The following SAMTOR variants were observed in gnomAD, a reference collection of about 807,000 sequenced individuals.
SAMTOR encodes the protein UPF0532 protein C7orf60.
At chr7:112,902,462 C>CA in the SAMTOR span, among the ~76,000 whole-genome samples, 3 of 83,662 alleles carry the variant, frequency 3.6e-5, no homozygotes, top group Admixed American at 1.3e-4. Flanking sequence ...AAAAAAAAAC[C>CA]AAAAAAGTTG....
At chr7:112,871,712 T>C in the SAMTOR span, among the ~76,000 whole-genome samples, 19 of 149,698 alleles carry the variant, frequency 1.3e-4, 1 homozygote, top group African/African-American at 4.1e-4. Context: ...AAATGATCAA[T>C]GTTAATAGCA....
At chr7:112,833,340 A>G in the SAMTOR span, among the ~76,000 whole-genome samples, 10 of 152,162 alleles carry the variant, frequency 6.6e-5, no homozygotes, top group East Asian at 1.9e-4. Flanking sequence ...CTCGAATCAG[A>G]AAGGCTAAGA....
chr7:112,892,663 T>A, the SAMTOR span, among the ~76,000 whole-genome samples: 2 of 151,682 alleles, frequency 1.3e-5, no homozygotes, highest in Non-Finnish European at 2.9e-5. Context: ...TGCCAGCTAC[T>A]GGGGAGGCTG....
the SAMTOR span, among the ~76,000 whole-genome samples, chr7:112,934,678 G>C: frequency 6.6e-6 from 1 of 152,142 alleles, no homozygotes; most frequent in Non-Finnish European, 1.5e-5. Flanking sequence ...TGTGTACTCT[G>C]GGAGCTTTTA....
chr7:112,890,007 T>C, the SAMTOR span, among the ~76,000 whole-genome samples: 1 of 152,106 alleles, frequency 6.6e-6, no homozygotes, highest in Non-Finnish European at 1.5e-5. Flanking sequence ...CAGGCTGTAG[T>C]TGTGGTTGGG....
At chr7:112,870,371 G>A in the SAMTOR span, among the ~76,000 whole-genome samples, 5 of 152,082 alleles carry the variant, frequency 3.3e-5, no homozygotes, top group Admixed American at 6.6e-5. Context: ...TTGGGCTCCC[G>A]CTCCCTGCCT....
At chr7:112,847,683 C>T in the SAMTOR span, among the ~76,000 whole-genome samples, 34,444 of 152,032 alleles carry the variant, frequency 0.23, 4,486 homozygotes, top group Middle Eastern at 0.41. Flanking sequence ...GAGGCTGAGG[C>T]GGGAGAATTG....
the SAMTOR span, among the ~76,000 whole-genome samples, chr7:112,936,628 T>C: frequency 6.6e-6 from 1 of 152,190 alleles, no homozygotes; most frequent in Non-Finnish European, 1.5e-5. Flanking sequence ...TTTCCTGTTT[T>C]ATTTTCAATT....
At chr7:112,918,041 G>C in the SAMTOR span, among the ~76,000 whole-genome samples, 1 of 152,192 alleles carries the variant, frequency 6.6e-6, no homozygotes, top group Non-Finnish European at 1.5e-5. Context: ...ATATCCAGGA[G>C]AACTTCCCCA....
chr7:112,905,875 G>A, the SAMTOR span, among the ~76,000 whole-genome samples: 12 of 151,972 alleles, frequency 7.9e-5, no homozygotes, highest in East Asian at 1.2e-3. Flanking sequence ...GCACAGCTAC[G>A]TAATAGACAA....
At chr7:112,880,331 C>T in the SAMTOR span, among the ~76,000 whole-genome samples, 1 of 152,054 alleles carries the variant, frequency 6.6e-6, no homozygotes, top group Admixed American at 6.6e-5. Context: ...CCCCAAAAAA[C>T]CAGCTAGACG....
chr7:112,881,175 T>C, the SAMTOR span, among the ~76,000 whole-genome samples: 1 of 152,198 alleles, frequency 6.6e-6, no homozygotes, highest in African/African-American at 2.4e-5. Flanking sequence ...TATGCATGTA[T>C]AGTGCTGACA....
At chr7:112,879,313 T>TA in the SAMTOR span, among the ~76,000 whole-genome samples, 4 of 151,722 alleles carry the variant, frequency 2.6e-5, no homozygotes, top group Non-Finnish European at 4.4e-5. Context: ...GCAGCTGCCA[T>TA]ACGCTGAGTG....
the SAMTOR span, among the ~76,000 whole-genome samples, chr7:112,858,919 G>C: frequency 6.6e-6 from 1 of 152,166 alleles, no homozygotes; most frequent in Non-Finnish European, 1.5e-5. Flanking sequence ...CTAGGCCATA[G>C]TACCTAGATA....
the SAMTOR span, among the ~76,000 whole-genome samples, chr7:112,887,035 A>G: frequency 1.3e-5 from 2 of 151,888 alleles, no homozygotes; most frequent in Non-Finnish European, 2.9e-5. Context: ...GCATGGTGGC[A>G]TGCACCTGTA....
the SAMTOR span, among the ~76,000 whole-genome samples, chr7:112,836,868 G>A: frequency 6.6e-6 from 1 of 152,040 alleles, no homozygotes; most frequent in East Asian, 1.9e-4. Context: ...TTGAAGTTGG[G>A]TAACATGTGA....
the SAMTOR span, among the ~76,000 whole-genome samples, chr7:112,926,243 TGAGGCAACACAG>T: frequency 3.8e-4 from 58 of 152,312 alleles, no homozygotes; most frequent in Middle Eastern, 3.4e-3. Flanking sequence ...GTGTGCTATG[TGAGGCAACACAG>T]GCATCTGTTA....
At chr7:112,845,987 T>C in the SAMTOR span, among the ~76,000 whole-genome samples, 1 of 151,988 alleles carries the variant, frequency 6.6e-6, no homozygotes. Flanking sequence ...ATAGTGCATG[T>C]TTTCACTTAT....
At chr7:112,854,101 T>C in the SAMTOR span, among the ~76,000 whole-genome samples, 3 of 152,098 alleles carry the variant, frequency 2.0e-5, no homozygotes, top group Non-Finnish European at 1.5e-5. Context: ...TGACATAAAA[T>C]CATTAGTTCC....
Sources: allele counts gnomAD v4.1 joint callset (sites outside exome capture counted in the v4.1 genomes callset), GRCh38; gene constraint gnomAD v4.1.1; transcripts MANE v1.5; gene names NCBI Gene and HGNC (gene_info 2026-07-23, HGNC 2026-07-21).